Variants in FAHD1 observed in about 807,000 individuals in gnomAD.
The protein encoded by FAHD1 is oxaloacetate tautomerase FAHD1, mitochondrial.
FAHD1 carries 14 observed loss-of-function variants against 12.7 expected under a neutral mutation model. The ratio of observed to expected loss-of-function variants is 1.10; its 90% CI spans 0.73 to 1.72. The LOEUF is 1.72. Ranked by LOEUF, FAHD1 falls within the 40% of genes most tolerant of loss-of-function variation. FAHD1 has a pLI of 0.00. For missense variants in FAHD1, 351 were observed against 298.9 expected (o/e 1.17, Z -1.29); for synonymous variants, 153 against 124.9 (o/e 1.22, Z -1.50).
chr16:1,839,458 A>G (rs779428308), exon 3 of FAHD1: 12 of 1,591,144 alleles, frequency 7.5e-6, no homozygotes, highest in Non-Finnish European at 1.0e-5. Context: ...AACAAAGACA[A>G]TGATAAAATG....
intron 1 of FAHD1, among the ~76,000 whole-genome samples, chr16:1,836,259 TG>T (rs1287295779): frequency 3.3e-5 from 5 of 152,216 alleles, no homozygotes; most frequent in African/African-American, 1.2e-4. Context: ...CGAAGCAGCT[TG>T]TCCATAATTA....
At chr16:1,838,317 A>G (rs1361831639) in intron 2 of FAHD1, among the ~76,000 whole-genome samples, 1 of 152,184 alleles carries the variant, frequency 6.6e-6, no homozygotes, top group Non-Finnish European at 1.5e-5. Context: ...CTGTTTTGAT[A>G]GAGAAGATAA....
At chr16:1,838,691 GT>G (rs879708755) in intron 2 of FAHD1, among the ~76,000 whole-genome samples, 12 of 148,494 alleles carry the variant, frequency 8.1e-5, no homozygotes, top group East Asian at 5.9e-4. Flanking sequence ...TTAGTGTTTT[GT>G]TTTTTTTTTA....
chr16:1,827,591 T>C (rs760382793), exon 1 of FAHD1: 3 of 1,613,532 alleles, frequency 1.9e-6, no homozygotes, highest in South Asian at 1.1e-5. Context: ...CCCTGGACTC[T>C]GGCGAAGAGC....
intron 1 of FAHD1, among the ~76,000 whole-genome samples, chr16:1,835,548 A>G (rs1437101026): frequency 6.6e-6 from 1 of 152,204 alleles, no homozygotes; most frequent in Non-Finnish European, 1.5e-5. Context: ...AAAGACTTTA[A>G]GTGGGCAATA....
At chr16:1,827,314 G>A (rs774863827) in exon 1 of FAHD1, 2 of 1,613,238 alleles carry the variant, frequency 1.2e-6, no homozygotes, top group East Asian at 4.5e-5. Context: ...GAACTACGCG[G>A]ACCACGTCAG....
At chr16:1,827,427 C>A (rs776652666) in exon 1 of FAHD1, 2 of 1,610,366 alleles carry the variant, frequency 1.2e-6, no homozygotes, top group Non-Finnish European at 8.5e-7. Flanking sequence ...CGTACACTCG[C>A]AACCTGCACC....
chr16:1,827,367 G>C (rs749749641), exon 1 of FAHD1: 1 of 1,612,916 alleles, frequency 6.2e-7, no homozygotes, highest in Non-Finnish European at 8.5e-7. Context: ...TGCTGTTCCT[G>C]AAGCCGTCCA....
chr16:1,839,700 C>T, exon 3 of FAHD1: 2 of 383,360 alleles, frequency 5.2e-6, no homozygotes, highest in Non-Finnish European at 4.7e-6. Context: ...CCTCGAGGTC[C>T]ATCCCAGTCT....
At chr16:1,834,949 C>CA (rs1898701617) in intron 1 of FAHD1, among the ~76,000 whole-genome samples, 1 of 142,486 alleles carries the variant, frequency 7.0e-6, no homozygotes, top group Non-Finnish European at 1.5e-5. Context: ...CACCCCCCCC[C>CA]ACTAAAAAAA....
downstream of FAHD1, among the ~76,000 whole-genome samples, chr16:1,830,915 T>TCTAC (rs1326026830): frequency 2.7e-5 from 1 of 37,528 alleles, no homozygotes; most frequent in African/African-American, 1.0e-4. Flanking sequence ...TCTCTCTCTC[T>TCTAC]ATACACACAC....
At chr16:1,829,009 T>C, downstream of FAHD1, 1 of 735,288 alleles carries the variant, frequency 1.4e-6, no homozygotes, top group Non-Finnish European at 1.7e-6. Flanking sequence ...TTTGGCCTTC[T>C]GAGCACTGTG....
rs567910327 is a variant in FAHD1 at position 1,835,816 on chromosome 16, CA to C, written c.628-2199del. Among the ~76,000 whole-genome samples the C allele has an allele frequency of 4.6e-5, 7 of 152,140 alleles. No homozygotes were observed. The South Asian group carries it at 1.0e-3, about 23-fold the overall frequency. ...TTCATCTACAAGCAAACCCATTCAG[CA>C]TTTTGCATTGCCTGCCTATGTATCT... is the stretch of plus-strand genomic sequence containing the variant. On this transcript the variant is annotated intron_variant, in intron 1 of 2. Coordinates refer to the FAHD1 transcript ENST00000382666.
downstream of FAHD1, among the ~76,000 whole-genome samples, chr16:1,833,126 C>T (rs575681739): frequency 6.6e-6 from 1 of 152,286 alleles, no homozygotes; most frequent in Admixed American, 6.5e-5. Flanking sequence ...GGTGGGTCTT[C>T]ACAGCTGGAG....
At chr16:1,827,443 C>G (rs763017079) in exon 1 of FAHD1, 4 of 1,610,512 alleles carry the variant, frequency 2.5e-6, no homozygotes, top group Non-Finnish European at 3.4e-6. Flanking sequence ...GCACCACGAG[C>G]TGGAGCTGGG....
At chr16:1,828,986 T>A (rs1313899739), downstream of FAHD1, 4 of 923,420 alleles carry the variant, frequency 4.3e-6, no homozygotes, top group African/African-American at 7.2e-5. Flanking sequence ...GCTTCAGACC[T>A]TAGTCTTTGA....
At chr16:1,827,483 T>G in exon 1 of FAHD1, 1 of 1,612,244 alleles carries the variant, frequency 6.2e-7, no homozygotes, top group Non-Finnish European at 8.5e-7. Flanking sequence ...TGCCGCGCAG[T>G]CCCCGAGGCT....
downstream of FAHD1, among the ~76,000 whole-genome samples, chr16:1,831,738 G>A (rs555360098): frequency 7.2e-5 from 11 of 152,242 alleles, no homozygotes; most frequent in South Asian, 2.1e-4. Context: ...GAGCATTCCC[G>A]CCCGAGTTCT....
In FAHD1 at chr16:1,839,410, C is replaced by T. The variant is rs1306566697; in HGVS notation, c.*157C>T. 3 of 1,612,834 alleles carry T rather than the reference C, an allele frequency of 1.9e-6. No homozygotes were observed. In the South Asian group the frequency reaches 3.3e-5, roughly 18 times the overall value. On this transcript the variant is annotated 3_prime_UTR_variant, in exon 3 of 3. Transcript: ENST00000382666. ...TTGCAAGTTGTGCACATGTTAGATG[C>T]TTCATTTACAATATAACCACAGCTG...
Sources: allele counts gnomAD v4.1 joint callset (sites outside exome capture counted in the v4.1 genomes callset), GRCh38; gene constraint gnomAD v4.1.1; transcripts MANE v1.5; gene names NCBI Gene and HGNC (gene_info 2026-07-23, HGNC 2026-07-21).